VAT1L: variants seen among roughly 807,000 people sequenced by gnomAD.
VAT1L encodes putative NADPH-dependent quinone oxidoreductase VAT1L.
Under a neutral mutation model 44.1 loss-of-function variants are expected in VAT1L, and 34 were observed. The observed-to-expected ratio is 0.77, with a 90% CI of 0.59 to 1.03. The LOEUF is 1.03. Among genes scored for constraint, VAT1L ranks in the 50% least tolerant of loss-of-function variants. The probability of loss-of-function intolerance (pLI) is 0.00; values close to 1 mark genes in which losing one functional copy is unlikely to be tolerated. For missense variants in VAT1L, 615 were observed against 538.8 expected, an observed-to-expected ratio of 1.14 and a Z score of -1.40; for synonymous variants, 253 against 202.2, an observed-to-expected ratio of 1.25 and a Z score of -2.13.
chr16:77,853,688 G>T (rs2016828495), intron 3 of VAT1L, among the ~76,000 whole-genome samples: 2 of 152,200 alleles, frequency 1.3e-5, no homozygotes, highest in East Asian at 3.9e-4. Context: ...GTTGGAGCCT[G>T]GGAATCTGCA....
At chr16:77,942,490 A>T (rs1248202473) in intron 7 of VAT1L, among the ~76,000 whole-genome samples, 1 of 152,044 alleles carries the variant, frequency 6.6e-6, no homozygotes, top group Non-Finnish European at 1.5e-5. Context: ...AATTCTTTGA[A>T]TATATACACA....
At chr16:77,919,956 T>G (rs2017594207) in intron 7 of VAT1L, among the ~76,000 whole-genome samples, 1 of 152,042 alleles carries the variant, frequency 6.6e-6, no homozygotes, top group Admixed American at 6.6e-5. Flanking sequence ...TGGTGGTGGG[T>G]GCCTGTAATC....
intron 7 of VAT1L, among the ~76,000 whole-genome samples, chr16:77,911,828 G>A (rs76556375): frequency 6.6e-6 from 1 of 152,188 alleles, no homozygotes; most frequent in Non-Finnish European, 1.5e-5. Flanking sequence ...CATAGAACTC[G>A]GGAGGATGAG....
chr16:77,927,918 C>T (rs2017688464), intron 7 of VAT1L, among the ~76,000 whole-genome samples: 1 of 152,128 alleles, frequency 6.6e-6, no homozygotes, highest in East Asian at 1.9e-4. Context: ...TTTGAAAATT[C>T]TTACCACTAG....
At chr16:77,828,438 C>T (rs955300616) in intron 3 of VAT1L, among the ~76,000 whole-genome samples, 27 of 152,176 alleles carry the variant, frequency 1.8e-4, no homozygotes, top group African/African-American at 5.3e-4. Context: ...CCAATGCGGG[C>T]GGATCACCTG....
At chr16:77,846,216 C>T (rs2016756774) in intron 3 of VAT1L, among the ~76,000 whole-genome samples, 1 of 152,146 alleles carries the variant, frequency 6.6e-6, no homozygotes, top group Non-Finnish European at 1.5e-5. Flanking sequence ...ATGTGAGCTA[C>T]ATGTAGACAC....
At chr16:77,917,561 GTTTC>G (rs907433628) in intron 7 of VAT1L, among the ~76,000 whole-genome samples, 2 of 152,096 alleles carry the variant, frequency 1.3e-5, no homozygotes, top group African/African-American at 4.8e-5. Flanking sequence ...ATAAACCATA[GTTTC>G]TTTATGTTTT....
chr16:77,941,165 G>C (rs572119613), intron 7 of VAT1L, among the ~76,000 whole-genome samples: 8 of 152,188 alleles, frequency 5.3e-5, no homozygotes, highest in African/African-American at 1.9e-4. Context: ...CTTGTACTAA[G>C]GTGGTACCTG....
intron 1 of VAT1L, among the ~76,000 whole-genome samples, chr16:77,791,966 C>T (rs1479197257): frequency 6.6e-6 from 1 of 152,174 alleles, no homozygotes; most frequent in East Asian, 1.9e-4. Flanking sequence ...GTGGAAAAAG[C>T]ATGTGGCCCT....
intron 3 of VAT1L, among the ~76,000 whole-genome samples, chr16:77,846,788 C>T (rs543114305): frequency 3.6e-4 from 54 of 151,980 alleles, no homozygotes; most frequent in African/African-American, 1.3e-3. Flanking sequence ...TTGTCATTAC[C>T]CACAATAATG....
chr16:77,891,125 C>G (rs973430984), intron 7 of VAT1L, among the ~76,000 whole-genome samples: 3 of 151,814 alleles, frequency 2.0e-5, no homozygotes, highest in African/African-American at 7.3e-5. Context: ...GAGGCCGAGG[C>G]GGGCGGATCA....
intron 2 of VAT1L, among the ~76,000 whole-genome samples, chr16:77,820,409 G>C (rs1567477023): frequency 6.6e-6 from 1 of 152,186 alleles, no homozygotes; most frequent in African/African-American, 2.4e-5. Flanking sequence ...TTTAGCTGAA[G>C]ACCAAACCCC....
intron 7 of VAT1L, among the ~76,000 whole-genome samples, chr16:77,942,838 G>A (rs754110593): frequency 5.9e-5 from 9 of 151,958 alleles, no homozygotes; most frequent in South Asian, 2.1e-4. Flanking sequence ...TCCGCCTCCC[G>A]GGTTCAAGCG....
chr16:77,892,627 C>G, intron 7 of VAT1L: 5 of 693,124 alleles, frequency 7.2e-6, no homozygotes, highest in South Asian at 6.8e-5. Context: ...ACTTCACACT[C>G]CATAATGGCA....
chr16:77,959,968 C>A (rs1258795539), intron 7 of VAT1L, among the ~76,000 whole-genome samples: 1 of 152,030 alleles, frequency 6.6e-6, no homozygotes, highest in African/African-American at 2.4e-5. Flanking sequence ...TCCACTTCCT[C>A]TGCTTGGAAT....
chr16:77,837,985 G>A (rs761173877), intron 3 of VAT1L, among the ~76,000 whole-genome samples: 3 of 152,162 alleles, frequency 2.0e-5, no homozygotes, highest in South Asian at 2.1e-4. Context: ...AACCTAGAGC[G>A]AGGGGCAAAG....
At chr16:77,854,335 C>A (rs898056602) in intron 3 of VAT1L, among the ~76,000 whole-genome samples, 2 of 152,158 alleles carry the variant, frequency 1.3e-5, no homozygotes, top group African/African-American at 4.8e-5. Context: ...AAAAGAAAAA[C>A]TGACTGATGC....
rs150459681 is a variant in VAT1L at position 77,915,056 on chromosome 16, C to T, written c.1077+30254C>T. Among the ~76,000 whole-genome samples, 553 of 151,944 alleles carry T rather than the reference C, an allele frequency of 3.6e-3. 2 individuals are homozygous for T. Among genetic ancestry groups the T allele is most frequent in the African/African-American group, 0.013 (534 of 41,408 alleles). ...AGGAGAATCGCTTGAACCCGGGAGG[C>T]GGAGGTTGCGGTGAGCCGAGATTGT... On this transcript the variant is annotated intron_variant, in intron 7 of 8. Transcript: ENST00000302536.
intron 4 of VAT1L, among the ~76,000 whole-genome samples, chr16:77,867,662 C>T (rs2016989418): frequency 1.3e-5 from 2 of 152,026 alleles, no homozygotes. Flanking sequence ...AGTTCAAGAC[C>T]AGCCTGGCCA....
Sources: gnomAD v4.1 joint callset for allele counts (sites outside exome capture counted in the v4.1 genomes callset) on GRCh38, gnomAD v4.1.1 for gene constraint, MANE v1.5 for transcripts, NCBI Gene and HGNC (gene_info 2026-07-23, HGNC 2026-07-21) for gene names.